The following PLEKHM3 variants were observed in gnomAD, a reference collection of about 807,000 sequenced individuals.
PLEKHM3 encodes pleckstrin homology domain-containing family M member 3.
In PLEKHM3, 45 loss-of-function variants were observed where a neutral mutation model predicts 81.8. The ratio of observed to expected loss-of-function variants is 0.55; its 90% CI spans 0.43 to 0.71. PLEKHM3 has a LOEUF of 0.71. Among genes scored for constraint, PLEKHM3 ranks in the 30% least tolerant of loss-of-function variants. The pLI is 0.00. For synonymous variants in PLEKHM3, 352 were observed against 356.4 expected (o/e 0.99, Z 0.14); for missense variants, 788 against 924.3 (o/e 0.85, Z 1.91).
At chr2:207,963,070 G>A (rs914906909) in intron 3 of PLEKHM3, among the ~76,000 whole-genome samples, 2 of 152,154 alleles carry the variant, frequency 1.3e-5, no homozygotes, top group Non-Finnish European at 2.9e-5. Context: ...AATGGTGGGT[G>A]TTGGGATGGC....
chr2:207,874,191 G>A (rs2092549236), intron 6 of PLEKHM3, among the ~76,000 whole-genome samples: 1 of 152,174 alleles, frequency 6.6e-6, no homozygotes, highest in Admixed American at 6.5e-5. Flanking sequence ...TAAAGGTGGG[G>A]AAGATGAATT....
rs1436779225 is a variant in PLEKHM3 at position 207,976,951 on chromosome 2, C to T, written c.1246G>A (p.Asp416Asn). 1.2e-6 allele frequency: 2 copies of T among 1,614,228 alleles called. No individual in the cohort carries two copies. Among genetic ancestry groups the T allele is most frequent in the South Asian group, 2.2e-5 (2 of 91,088 alleles). The change falls in exon 3 of 8, where the codon GAC becomes AAC. Residue 416 changes from aspartate to asparagine, a missense_variant. Coordinates refer to ENST00000427836, the MANE Select transcript of PLEKHM3 (RefSeq NM_001080475.3). The surrounding 1 kb of genome is among the most constrained non-coding windows in gnomAD (Gnocchi z 4.1). The stretch of plus-strand genomic sequence containing the variant: ...CAAGAGTCGCAGCCATCCAGGTTGT[C>T]CATCTGGACAGCCAGACACACGTCC... ...NVDVCLAVQM[D>N]NLDGCDSCFQ...
At chr2:207,915,594 T>C (rs1472227639) in intron 5 of PLEKHM3, among the ~76,000 whole-genome samples, 1 of 152,134 alleles carries the variant, frequency 6.6e-6, no homozygotes, top group Admixed American at 6.6e-5. Flanking sequence ...GACTCAATGA[T>C]TAAAATGAGG....
rs184963380 is a variant in PLEKHM3 at position 207,866,364 on chromosome 2, C to T, written c.1951-5102G>A. On this transcript the variant is annotated intron_variant, in intron 6 of 7. Coordinates refer to ENST00000427836, the MANE Select transcript of PLEKHM3 (RefSeq NM_001080475.3). ...TAGAGGTGGGGTTTCACCATGTTGGCCAGGCTGGTCTCAAACTCCTGAGCT... is the reference window on the plus strand; with the variant it reads ...TAGAGGTGGGGTTTCACCATGTTGGTCAGGCTGGTCTCAAACTCCTGAGCT... Among the ~76,000 whole-genome samples, 895 of 152,224 alleles carry T rather than the reference C, an allele frequency of 5.9e-3. 13 individuals are homozygous for T. Among genetic ancestry groups the T allele is most frequent in the African/African-American group, 0.02 (830 of 41,536 alleles).
chr2:207,991,139 T>G (rs1368146953), intron 2 of PLEKHM3, among the ~76,000 whole-genome samples: 1 of 152,194 alleles, frequency 6.6e-6, no homozygotes, highest in Non-Finnish European at 1.5e-5. Context: ...TCTGTTGAGG[T>G]TTTGGACCCA....
chr2:207,981,681 A>G (rs1691527853), intron 2 of PLEKHM3, among the ~76,000 whole-genome samples: 3 of 152,168 alleles, frequency 2.0e-5, no homozygotes, highest in African/African-American at 7.2e-5. Context: ...CTACTGACAA[A>G]TCAGAAGCTA....
chr2:207,952,204 GAA>G (rs57260890), intron 3 of PLEKHM3, among the ~76,000 whole-genome samples: 1 of 152,098 alleles, frequency 6.6e-6, no homozygotes, highest in African/African-American at 2.4e-5. Context: ...TGTAAAAATA[GAA>G]AAAAATATCT....
chr2:207,961,825 T>A (rs1690744994), intron 3 of PLEKHM3, among the ~76,000 whole-genome samples: 1 of 152,178 alleles, frequency 6.6e-6, no homozygotes, highest in Non-Finnish European at 1.5e-5. Context: ...ATGCTGTCAG[T>A]GTTGGAAGTA....
intron 7 of PLEKHM3, chr2:207,852,640 A>G (rs1426440947): frequency 6.9e-6 from 2 of 289,084 alleles, no homozygotes; most frequent in Non-Finnish European, 1.4e-5. Context: ...CAGTGACTCA[A>G]GTTCAACACA....
Position 207,982,965 on chromosome 2 carries a change from T to G in PLEKHM3, c.611-5379A>C, listed in dbSNP as rs191765953. Among the ~76,000 whole-genome samples the G allele has an allele frequency of 5.3e-5, 8 of 152,296 alleles. No homozygotes were observed. The East Asian group carries it at 1.3e-3, about 26-fold the overall frequency. On this transcript the variant is annotated intron_variant, in intron 2 of 7. Coordinates refer to ENST00000427836, the MANE Select transcript of PLEKHM3 (RefSeq NM_001080475.3). ...TACATATAACATACAAAATATGTGTTAATTGACTGTTCATGTTATCAGTAA... is the reference window on the plus strand; with the variant it reads ...TACATATAACATACAAAATATGTGTGAATTGACTGTTCATGTTATCAGTAA...
At chr2:207,830,746 C>T (rs1239103506) in intron 7 of PLEKHM3, among the ~76,000 whole-genome samples, 4 of 124,712 alleles carry the variant, frequency 3.2e-5, no homozygotes, top group East Asian at 2.2e-4. Context: ...GGAGCTTGCT[C>T]TCCCCAACTC....
At chr2:207,884,468 G>GA (rs1194220725) in intron 6 of PLEKHM3, among the ~76,000 whole-genome samples, 1 of 152,126 alleles carries the variant, frequency 6.6e-6, no homozygotes. Context: ...ACAAAAGTTA[G>GA]AAAAAAATTA....
chr2:208,007,719 A>G (rs1574487333), intron 1 of PLEKHM3, among the ~76,000 whole-genome samples: 1 of 151,340 alleles, frequency 6.6e-6, no homozygotes, highest in Admixed American at 6.6e-5. Flanking sequence ...GGAGTTCAAG[A>G]CCAGCCTAGG....
At chr2:207,861,604 G>C (rs1181458522) in intron 6 of PLEKHM3, among the ~76,000 whole-genome samples, 1 of 152,174 alleles carries the variant, frequency 6.6e-6, no homozygotes, top group East Asian at 1.9e-4. Context: ...AGGTTTCCCA[G>C]AGTAAACTGA....
chr2:207,914,253 C>T (rs1003038434), intron 5 of PLEKHM3, among the ~76,000 whole-genome samples: 16 of 151,648 alleles, frequency 1.1e-4, no homozygotes, highest in Admixed American at 3.9e-4. Context: ...CCCAGCACTT[C>T]GGGAGGCCAA....
At chr2:207,902,845 C>T (rs1023572315) in intron 6 of PLEKHM3, among the ~76,000 whole-genome samples, 1 of 126,940 alleles carries the variant, frequency 7.9e-6, no homozygotes, top group Non-Finnish European at 1.7e-5. Flanking sequence ...CCCACCCACC[C>T]ATCCACCCAC....
chr2:207,896,516 G>A (rs986703148), intron 6 of PLEKHM3, among the ~76,000 whole-genome samples: 1 of 152,214 alleles, frequency 6.6e-6, no homozygotes, highest in Admixed American at 6.5e-5. Flanking sequence ...TCAGAGGTAA[G>A]CTGTGCCTCC....
intron 7 of PLEKHM3, among the ~76,000 whole-genome samples, chr2:207,836,663 C>T (rs892249996): frequency 1.9e-4 from 29 of 152,342 alleles, no homozygotes; most frequent in African/African-American, 7.0e-4. Context: ...ATGGCTTTGT[C>T]TGCACCCTTC....
intron 1 of PLEKHM3, among the ~76,000 whole-genome samples, chr2:208,005,336 T>C (rs1692462417): frequency 6.6e-6 from 1 of 152,222 alleles, no homozygotes; most frequent in Non-Finnish European, 1.5e-5. Flanking sequence ...TCCAGGATCC[T>C]ATACAGGATA....
Sources: allele counts gnomAD v4.1 joint callset (sites outside exome capture counted in the v4.1 genomes callset), GRCh38; gene constraint gnomAD v4.1.1; non-coding constraint Gnocchi (gnomAD v3.1); transcripts MANE v1.5; gene names NCBI Gene and HGNC (gene_info 2026-07-23, HGNC 2026-07-21).